The following EYA2 variants were observed in gnomAD, a reference collection of about 807,000 sequenced individuals.
EYA2 encodes the protein EYA transcriptional coactivator and phosphatase 2, also known as protein phosphatase EYA2.
Under a neutral mutation model 69.2 loss-of-function variants are expected in EYA2, and 31 were observed. The ratio of observed to expected loss-of-function variants is 0.45; its 90% confidence interval spans 0.34 to 0.60. EYA2 has a LOEUF of 0.60. Among genes scored for constraint, EYA2 ranks in the 20% least tolerant of loss-of-function variants. The pLI, the probability that EYA2 is intolerant of heterozygous loss-of-function variation, is 0.02. For missense variants in EYA2, 622 were observed against 701.2 expected, an observed-to-expected ratio of 0.89 and a Z score of 1.28; for synonymous variants, 257 against 279.4, an observed-to-expected ratio of 0.92 and a Z score of 0.80.
At chr20:46,984,098 A>G (rs906137804) in intron 1 of EYA2, among the ~76,000 whole-genome samples, 1 of 152,230 alleles carries the variant, frequency 6.6e-6, no homozygotes, top group African/African-American at 2.4e-5. Context: ...TTTAAACCAC[A>G]TAAAAAGGCA....
chr20:47,066,639 C>T (rs776232595), intron 5 of EYA2, among the ~76,000 whole-genome samples: 2 of 152,168 alleles, frequency 1.3e-5, no homozygotes, highest in Non-Finnish European at 2.9e-5. Context: ...TTACTCCTAT[C>T]CCTTTGCCTA....
At chr20:46,966,319 A>T (rs1035060840) in intron 1 of EYA2, among the ~76,000 whole-genome samples, 2 of 152,158 alleles carry the variant, frequency 1.3e-5, no homozygotes, top group African/African-American at 4.8e-5. Flanking sequence ...TCAGCAAAAT[A>T]CTATTCATCA....
chr20:47,179,960 G>A (rs1368119430), intron 13 of EYA2, 48 bp downstream of exon 13: 5 of 1,348,892 alleles, frequency 3.7e-6, no homozygotes, highest in Non-Finnish European at 5.3e-6. Context: ...CTTTCTCGCA[G>A]TAGACAGTGG....
At chr20:47,025,423 C>T (rs1364424584) in intron 5 of EYA2, among the ~76,000 whole-genome samples, 1 of 152,230 alleles carries the variant, frequency 6.6e-6, no homozygotes, top group Non-Finnish European at 1.5e-5. Context: ...ATCCTATGCA[C>T]ACTCTTCTGC....
chr20:47,169,672 T>C (rs73913849), intron 11 of EYA2, among the ~76,000 whole-genome samples: 2,802 of 152,168 alleles, frequency 0.018, 116 homozygotes, highest in East Asian at 0.17. Flanking sequence ...CCTCCCAAAC[T>C]CACCACCATT....
intron 5 of EYA2, among the ~76,000 whole-genome samples, chr20:47,042,208 G>T (rs1449425080): frequency 2.6e-5 from 4 of 152,100 alleles, no homozygotes; most frequent in Non-Finnish European, 5.9e-5. Context: ...CTATTTTATA[G>T]AGGAGGAAAC....
intron 2 of EYA2, among the ~76,000 whole-genome samples, chr20:47,000,076 TC>T (rs955319954): frequency 1.3e-5 from 2 of 152,182 alleles, no homozygotes; most frequent in African/African-American, 4.8e-5. Flanking sequence ...ACACCGTACT[TC>T]CTGTGTGGCC....
At chr20:47,179,394 T>C (rs1465020665) in intron 12 of EYA2, among the ~76,000 whole-genome samples, 1 of 138,426 alleles carries the variant, frequency 7.2e-6, no homozygotes, top group Non-Finnish European at 1.6e-5. Flanking sequence ...GATGGATGGA[T>C]GGGTGGATGG....
At position 46,976,624 on chromosome 20, in the gene EYA2, A is replaced by C. The variant is rs536781597; in HGVS notation, c.-10-13377A>C. Among the ~76,000 whole-genome samples the C allele has an allele frequency of 2.6e-5, 4 of 152,296 alleles. No individual in the cohort carries two copies. In the South Asian group the frequency reaches 6.2e-4, roughly 24 times the overall value. On this transcript the variant is annotated intron_variant, in intron 1 of 15. Transcript: ENST00000327619. ...ATGGTCTCGATCTCATGACCTCGTG[A>C]TCCACCCACCGTGGCCTCCCAAAGT...
intron 10 of EYA2, among the ~76,000 whole-genome samples, chr20:47,155,586 G>T (rs747350023): frequency 6.6e-6 from 1 of 151,910 alleles, no homozygotes; most frequent in Admixed American, 6.5e-5. Context: ...TCACTTGTGC[G>T]ACAGCTGACG....
At chr20:47,082,596 T>G (rs1704927608) in intron 7 of EYA2, among the ~76,000 whole-genome samples, 1 of 152,186 alleles carries the variant, frequency 6.6e-6, no homozygotes, top group South Asian at 2.1e-4. Context: ...AATGGAGATA[T>G]ATACCTGGTT....
intron 5 of EYA2, among the ~76,000 whole-genome samples, chr20:47,031,878 A>T (rs1363827812): frequency 6.6e-6 from 1 of 152,166 alleles, no homozygotes; most frequent in Non-Finnish European, 1.5e-5. Context: ...AAATTTTAAA[A>T]ACCAGTACAA....
intron 9 of EYA2, among the ~76,000 whole-genome samples, chr20:47,127,141 AT>A (rs1373076788): frequency 6.6e-5 from 10 of 152,082 alleles, no homozygotes; most frequent in Non-Finnish European, 1.5e-4. Context: ...AACTTAGTGA[AT>A]TTGTTAACCA....
intron 2 of EYA2, among the ~76,000 whole-genome samples, chr20:46,992,460 G>A (rs1036792182): frequency 1.3e-5 from 2 of 152,174 alleles, no homozygotes; most frequent in Admixed American, 6.5e-5. Context: ...CCATTTTACA[G>A]ACATGGAAGT....
chr20:46,995,349 G>C (rs1332795960), intron 2 of EYA2, among the ~76,000 whole-genome samples: 4 of 152,198 alleles, frequency 2.6e-5, no homozygotes, highest in African/African-American at 9.6e-5. Flanking sequence ...CAATCAAAGA[G>C]GGAGTATTTA....
At chr20:47,102,729 A>G (rs1336179137) in intron 9 of EYA2, among the ~76,000 whole-genome samples, 1 of 152,152 alleles carries the variant, frequency 6.6e-6, no homozygotes, top group East Asian at 1.9e-4. Context: ...CTTCCTCCCC[A>G]GTGCTCAGAG....
rs373042243 is a variant in EYA2 at position 46,978,575 on chromosome 20, G to A, written c.-10-11426G>A. 42 of 534,788 alleles carry A rather than the reference G, an allele frequency of 7.9e-5. No individual in the cohort carries two copies. In the East Asian group the frequency reaches 1.5e-3, roughly 19 times the overall value. The allele number at this position is 534,788 out of a possible 1,614,324, so 33.1% of individuals were successfully genotyped here. On this transcript the variant is annotated intron_variant, in intron 1 of 15. Coordinates refer to ENST00000327619, the MANE Select transcript of EYA2 (RefSeq NM_005244.5). ...GAGAAGCCAGATCAAGGCTGTGTTCGGAACTCTTTGCTTTATCTTAAGAGC... is the reference window on the plus strand; with the variant it reads ...GAGAAGCCAGATCAAGGCTGTGTTCAGAACTCTTTGCTTTATCTTAAGAGC...
At chr20:47,169,288 C>G in intron 11 of EYA2, 91 bp downstream of exon 11, 6 of 1,313,696 alleles carry the variant, frequency 4.6e-6, no homozygotes, top group Non-Finnish European at 6.6e-6. Flanking sequence ...GAGAGGAGGG[C>G]TGCTTATAAG....
intron 1 of EYA2, among the ~76,000 whole-genome samples, chr20:46,965,246 G>A (rs1016503423): frequency 5.9e-5 from 9 of 152,218 alleles, no homozygotes; most frequent in African/African-American, 2.2e-4. Flanking sequence ...AAGGGCCAAG[G>A]CTGGAGTTCA....
Sources: gnomAD v4.1 joint callset for allele counts (sites outside exome capture counted in the v4.1 genomes callset) on GRCh38, gnomAD v4.1.1 for gene constraint, MANE v1.5 for transcripts, NCBI Gene and HGNC (gene_info 2026-07-23, HGNC 2026-07-21) for gene names.